TCAF1: variants seen among roughly 807,000 people sequenced by gnomAD.
The protein encoded by TCAF1 is TRPM8 channel-associated factor 1.
Under a neutral mutation model 27.3 loss-of-function variants are expected in TCAF1, and 4 were observed. The observed-to-expected ratio is 0.15, with a 90% CI of 0.07 to 0.34. The LOEUF (loss-of-function observed/expected upper bound fraction) is 0.34. Among genes scored for constraint, TCAF1 ranks in the 10% least tolerant of loss-of-function variants. The pLI, the probability that TCAF1 is intolerant of heterozygous loss-of-function variation, is 1.00. For missense variants in TCAF1, 257 were observed against 425.8 expected, an observed-to-expected ratio of 0.60 and a Z score of 3.49; for synonymous variants, 105 against 167.1, an observed-to-expected ratio of 0.63 and a Z score of 2.87.
intron 1 of TCAF1, among the ~76,000 whole-genome samples, chr7:143,889,435 A>C (rs1351537973): frequency 1.3e-5 from 2 of 152,212 alleles, no homozygotes; most frequent in African/African-American, 4.8e-5. Flanking sequence ...CTGAAAAATG[A>C]AAGTTGAGCA....
intron 1 of TCAF1, among the ~76,000 whole-genome samples, chr7:143,878,235 G>A (rs1812825902): frequency 1.3e-5 from 2 of 152,162 alleles, no homozygotes; most frequent in South Asian, 2.1e-4. Flanking sequence ...ATTTAAGCAT[G>A]TGAATAATAG....
At chr7:143,892,267 T>G (rs773272575) in intron 1 of TCAF1, among the ~76,000 whole-genome samples, 7 of 152,100 alleles carry the variant, frequency 4.6e-5, no homozygotes, top group Non-Finnish European at 1.0e-4. Context: ...CAGACAATAG[T>G]ACAGCTGCAA....
chr7:143,879,326 T>C (rs1275524687), intron 1 of TCAF1, among the ~76,000 whole-genome samples: 1 of 152,130 alleles, frequency 6.6e-6, no homozygotes, highest in Non-Finnish European at 1.5e-5. Flanking sequence ...TTAAAAAAGA[T>C]GATACTTCTT....
chr7:143,867,710 G>C (rs1449440774), intron 2 of TCAF1, among the ~76,000 whole-genome samples: 2 of 81,138 alleles, frequency 2.5e-5, no homozygotes, highest in Non-Finnish European at 5.4e-5. Context: ...AAATTGCAAA[G>C]GTCAAGGTCA....
intron 1 of TCAF1, among the ~76,000 whole-genome samples, chr7:143,876,861 G>T (rs1164814862): frequency 6.6e-6 from 1 of 152,124 alleles, no homozygotes; most frequent in Non-Finnish European, 1.5e-5. Context: ...ATCACAGAAG[G>T]AAACAAACAG....
In TCAF1 at chr7:143,852,069, A is replaced by G. The variant is rs1811325067; in HGVS notation, c.*2064T>C. The G allele has an allele frequency of 6.6e-6, 1 of 151,740 alleles. No individual in the cohort carries two copies. The highest frequency in any genetic ancestry group is 1.9e-4 in the East Asian group (1 of 5,190). 9.4% of individuals were successfully genotyped at this position (151,740 alleles called of 1,614,324 possible). ...GGATATTTTCTTCCCTACACACCCA[A>G]TATCATCATGCCTGTGCCATAGAAA... On this transcript the variant is annotated 3_prime_UTR_variant, in exon 9 of 9. Coordinates refer to ENST00000479870, the MANE Select transcript of TCAF1 (RefSeq NM_014719.3).
chr7:143,881,913 G>A (rs1000065056), intron 1 of TCAF1: 1 of 152,208 alleles, frequency 6.6e-6, no homozygotes, highest in African/African-American at 2.4e-5. Context: ...GAAGACCTGG[G>A]TATTATTACC....
Position 143,859,918 on chromosome 7 carries a change from AT to A in TCAF1, c.2167+289del, listed in dbSNP as rs1475692438. Among the ~76,000 whole-genome samples, 28 of 74,654 alleles carry A rather than the reference AT, an allele frequency of 3.8e-4. 2 individuals are homozygous for A. Among genetic ancestry groups the A allele is most frequent in the South Asian group, 1.2e-3 (3 of 2,536 alleles). The allele number at this position is 74,654 out of a possible 152,430, so 49.0% of individuals were successfully genotyped here. On this transcript the variant is annotated intron_variant, in intron 6 of 8. Coordinates refer to ENST00000479870, the MANE Select transcript of TCAF1 (RefSeq NM_014719.3). ...TATATTATATAATATATATTACGGAATATATATTATATAATATATATTATAT... is the reference window on the plus strand; with the variant it reads ...TATATTATATAATATATATTACGGAAATATATTATATAATATATATTATAT...
chr7:143,885,193 C>T (rs557012928), intron 1 of TCAF1: 2 of 985,444 alleles, frequency 2.0e-6, no homozygotes, highest in Non-Finnish European at 2.4e-6. Flanking sequence ...CCGAAACCAG[C>T]TTTGGACGAG....
chr7:143,886,053 G>A (rs530276843), intron 1 of TCAF1, among the ~76,000 whole-genome samples: 63 of 152,314 alleles, frequency 4.1e-4, no homozygotes, highest in Non-Finnish European at 5.4e-4. Context: ...AGTGGAACAC[G>A]AGACTTGACC....
chr7:143,900,326 G>A (rs1814059123), intron 1 of TCAF1, among the ~76,000 whole-genome samples: 1 of 152,040 alleles, frequency 6.6e-6, no homozygotes, highest in African/African-American at 2.4e-5. Context: ...CGCTTCTGAG[G>A]TTACAGAAAG....
intron 1 of TCAF1, among the ~76,000 whole-genome samples, chr7:143,886,731 G>T: frequency 7.5e-6 from 1 of 133,704 alleles, no homozygotes; most frequent in Admixed American, 7.5e-5. Flanking sequence ...TTTGAGACAG[G>T]GTCTTGTGCT....
chr7:143,900,708 T>C (rs1019392137), intron 1 of TCAF1, among the ~76,000 whole-genome samples: 3 of 152,152 alleles, frequency 2.0e-5, no homozygotes, highest in African/African-American at 7.2e-5. Context: ...TGCTAGGTGT[T>C]GGGGTAATTT....
chr7:143,893,174 G>A (rs1813728247), intron 1 of TCAF1, among the ~76,000 whole-genome samples: 1 of 152,050 alleles, frequency 6.6e-6, no homozygotes, highest in Non-Finnish European at 1.5e-5. Context: ...TGTTACTGTA[G>A]ATATAAAACA....
At chr7:143,890,748 A>G (rs1813604043) in intron 1 of TCAF1, among the ~76,000 whole-genome samples, 2 of 152,226 alleles carry the variant, frequency 1.3e-5, no homozygotes, top group Non-Finnish European at 2.9e-5. Flanking sequence ...AACCAGGTGG[A>G]GCTCAAAGGG....
rs1586731145 is a variant in TCAF1, at chr7:143,851,739, T to C, written c.*2394A>G. 3.3e-5 allele frequency: 5 copies of C among 152,230 alleles called. No homozygotes were observed. The South Asian group carries it at 1.0e-3, about 32-fold the overall frequency. The allele number at this position is 152,230 out of a possible 1,614,324, so 9.4% of individuals were successfully genotyped here. ...CTTTTTAATACATCTATTGGTTTGA[T>C]TTTATAGCTTTGAACAATACACTAA... On this transcript the variant is annotated 3_prime_UTR_variant, in exon 9 of 9. Coordinates refer to ENST00000479870, the MANE Select transcript of TCAF1 (RefSeq NM_014719.3).
chr7:143,860,659 C>T (rs1811989381), intron 5 of TCAF1, among the ~76,000 whole-genome samples: 1 of 152,294 alleles, frequency 6.6e-6, no homozygotes, highest in African/African-American at 2.4e-5. Flanking sequence ...CACCCATCAA[C>T]CCATCACCTA....
rs1814141478 is a variant in TCAF1, at chr7:143,902,001, CAG to C, written c.-57_-56del. The C allele has an allele frequency of 2.0e-5, 3 of 152,444 alleles. No homozygotes were observed. Among genetic ancestry groups the C allele is most frequent in the South Asian group, 4.1e-4 (2 of 4,830 alleles). The allele number at this position is 152,444 out of a possible 1,614,324, so 9.4% of individuals were successfully genotyped here. A position where few individuals can be genotyped will look rare whatever the true frequency, so the allele number is the denominator to read the frequency against. On this transcript the variant is annotated 5_prime_UTR_variant, in exon 1 of 9. Coordinates refer to ENST00000479870, the MANE Select transcript of TCAF1 (RefSeq NM_014719.3). ...CGGTCACCGCGGGCCTCTCCTGGTCCAGAGTCTACGCTGAACCCCACTCACTG... is the reference window on the plus strand; with the variant it reads ...CGGTCACCGCGGGCCTCTCCTGGTCCAGTCTACGCTGAACCCCACTCACTG...
intron 1 of TCAF1, among the ~76,000 whole-genome samples, chr7:143,886,797 C>T (rs1388303564): frequency 6.8e-6 from 1 of 147,744 alleles, no homozygotes; most frequent in African/African-American, 2.5e-5. Flanking sequence ...TCAATCGATC[C>T]GCCCACCTCA....
Sources: allele counts gnomAD v4.1 joint callset (sites outside exome capture counted in the v4.1 genomes callset), GRCh38; gene constraint gnomAD v4.1.1; transcripts MANE v1.5; gene names NCBI Gene and HGNC (gene_info 2026-07-23, HGNC 2026-07-21).